The following LRP1B variants were observed in gnomAD, a reference collection of about 807,000 sequenced individuals.
The protein encoded by LRP1B is low-density lipoprotein receptor-related protein 1B.
A neutral mutation model predicts 556.6 loss-of-function variants in LRP1B; 217 were observed. The ratio of observed to expected loss-of-function variants is 0.39; its 90% CI spans 0.35 to 0.44. The LOEUF is 0.44. Ranked by LOEUF, LRP1B falls within the 20% of genes least tolerant of loss-of-function variation. The pLI, the probability that LRP1B is intolerant of heterozygous loss-of-function variation, is 1.00. For missense variants in LRP1B, 5,053 were observed against 5,620.8 expected (o/e 0.90, Z 3.23); for synonymous variants, 2,047 against 1,865.8 (o/e 1.10, Z -2.50).
At chr2:141,498,176 G>C (rs2105126578) in intron 2 of LRP1B, among the ~76,000 whole-genome samples, 1 of 152,030 alleles carries the variant, frequency 6.6e-6, no homozygotes, top group South Asian at 2.1e-4. Flanking sequence ...GCATGAAATT[G>C]TTTAGTTGCT....
chr2:141,615,277 A>G (rs761780385), intron 2 of LRP1B, among the ~76,000 whole-genome samples: 2 of 152,258 alleles, frequency 1.3e-5, no homozygotes, highest in African/African-American at 2.4e-5. Flanking sequence ...TAAATGAAAG[A>G]GACAAGAAAT....
At chr2:140,970,340 C>T (rs1462774321) in intron 18 of LRP1B, among the ~76,000 whole-genome samples, 1 of 152,188 alleles carries the variant, frequency 6.6e-6, no homozygotes, top group Non-Finnish European at 1.5e-5. Flanking sequence ...GTGCATTTGT[C>T]ATGTAGTTCT....
chr2:141,713,183 T>C (rs947090302), intron 2 of LRP1B, among the ~76,000 whole-genome samples: 5 of 151,706 alleles, frequency 3.3e-5, no homozygotes, highest in Admixed American at 3.3e-4. Context: ...CCACCATGCC[T>C]GGACTTCATT....
chr2:141,726,253 C>T (rs1693028421), intron 2 of LRP1B, among the ~76,000 whole-genome samples: 1 of 150,750 alleles, frequency 6.6e-6, no homozygotes, highest in South Asian at 2.1e-4. Flanking sequence ...TAAACATATA[C>T]ATATACTTGA....
At chr2:140,618,624 C>G (rs1165163998) in intron 41 of LRP1B, among the ~76,000 whole-genome samples, 1 of 151,986 alleles carries the variant, frequency 6.6e-6, no homozygotes, top group Admixed American at 6.6e-5. Context: ...AACATAAGAA[C>G]AAAAATCTGT....
chr2:140,632,833 G>T (rs376957045), intron 41 of LRP1B, among the ~76,000 whole-genome samples: 3 of 152,122 alleles, frequency 2.0e-5, no homozygotes, highest in African/African-American at 7.2e-5. Flanking sequence ...GGAGGCTGAG[G>T]CGCGTGGGTC....
intron 75 of LRP1B, among the ~76,000 whole-genome samples, chr2:140,353,668 A>G (rs1682076691): frequency 6.6e-6 from 1 of 151,976 alleles, no homozygotes; most frequent in African/African-American, 2.4e-5. Context: ...ATTCATCCTT[A>G]GTTTCTCCAG....
intron 60 of LRP1B, among the ~76,000 whole-genome samples, chr2:140,472,950 G>T (rs1444626565): frequency 6.6e-6 from 1 of 151,872 alleles, no homozygotes; most frequent in African/African-American, 2.4e-5. Flanking sequence ...AATAATATTG[G>T]TCTGGTTTTA....
intron 60 of LRP1B, among the ~76,000 whole-genome samples, chr2:140,461,639 A>C (rs1052120432): frequency 1.3e-5 from 2 of 152,052 alleles, no homozygotes; most frequent in Non-Finnish European, 2.9e-5. Flanking sequence ...GTTCGAAACC[A>C]GCCTGATCAA....
intron 2 of LRP1B, among the ~76,000 whole-genome samples, chr2:141,612,098 A>G (rs900114984): frequency 1.3e-5 from 2 of 152,170 alleles, no homozygotes; most frequent in Non-Finnish European, 2.9e-5. Flanking sequence ...CAAACAACAA[A>G]CCTTGTAATA....
At chr2:140,488,182 C>G (rs1462462036) in intron 57 of LRP1B, among the ~76,000 whole-genome samples, 5 of 151,966 alleles carry the variant, frequency 3.3e-5, no homozygotes, top group Admixed American at 2.0e-4. Flanking sequence ...GAGCCCTGGA[C>G]AGCCAACTGA....
At chr2:141,066,609 AC>A (rs1026115170) in intron 7 of LRP1B, among the ~76,000 whole-genome samples, 31 of 151,956 alleles carry the variant, frequency 2.0e-4, no homozygotes, top group African/African-American at 7.2e-4. Context: ...ACTCAAAAAA[AC>A]ATAAGGGAAT....
chr2:142,026,898 A>G (rs1446181669), intron 1 of LRP1B, among the ~76,000 whole-genome samples: 2 of 152,012 alleles, frequency 1.3e-5, no homozygotes, highest in Admixed American at 6.6e-5. Flanking sequence ...TGTCCTCCTC[A>G]TAAGAAGAAT....
At chr2:140,358,695 T>C (rs1215102490) in intron 73 of LRP1B, 126 bp downstream of exon 73, 6 of 991,526 alleles carry the variant, frequency 6.1e-6, no homozygotes, top group Non-Finnish European at 7.5e-6. Flanking sequence ...TGTCAGAAGA[T>C]CAAATGTCTG....
rs143805244 is a variant in LRP1B, at chr2:140,386,104, G to A, written c.10415-95C>T. The A allele has an allele frequency of 4.5e-4, 333 of 742,202 alleles. 1 individual carries two copies. The highest frequency in any genetic ancestry group is 3.7e-3 in the African/African-American group (210 of 56,642). The allele number at this position is 742,202 out of a possible 1,614,324, so 46.0% of individuals were successfully genotyped here. ...CCATGCCAAATCCATGGCATATAAT[G>A]TTTCCTTAATTCAGTTACTAAGAAG... On this transcript the variant is annotated intron_variant, in intron 66 of 90. Coordinates refer to ENST00000389484, the MANE Select transcript of LRP1B (RefSeq NM_018557.3).
intron 2 of LRP1B, among the ~76,000 whole-genome samples, chr2:141,659,296 C>T (rs1157845724): frequency 6.6e-6 from 1 of 152,144 alleles, no homozygotes; most frequent in Non-Finnish European, 1.5e-5. Context: ...CATAAGGTCT[C>T]TGTTGCAAAC....
intron 1 of LRP1B, among the ~76,000 whole-genome samples, chr2:141,952,608 A>T (rs1216222152): frequency 2.0e-5 from 3 of 152,122 alleles, no homozygotes; most frequent in Admixed American, 2.0e-4. Flanking sequence ...GGAGACACAC[A>T]TTGAAATGTA....
At chr2:140,526,208 A>T in intron 48 of LRP1B, 29 bp downstream of exon 48, 3 of 1,595,336 alleles carry the variant, frequency 1.9e-6, no homozygotes, top group Non-Finnish European at 2.6e-6. Flanking sequence ...CCCAAGCATA[A>T]ACAGACAAAA....
intron 7 of LRP1B, among the ~76,000 whole-genome samples, chr2:141,164,137 T>C (rs539402314): frequency 6.6e-6 from 1 of 151,916 alleles, no homozygotes; most frequent in African/African-American, 2.4e-5. Context: ...GAAGCAGAGG[T>C]GGAAATGAAA....
Sources: gnomAD v4.1 joint callset for allele counts (sites outside exome capture counted in the v4.1 genomes callset) on GRCh38, gnomAD v4.1.1 for gene constraint, MANE v1.5 for transcripts, NCBI Gene and HGNC (gene_info 2026-07-23, HGNC 2026-07-21) for gene names.